Variants in NEK11 observed in about 807,000 individuals in gnomAD.
NEK11 encodes serine/threonine-protein kinase Nek11.
In NEK11, 72 loss-of-function variants were observed where a neutral mutation model predicts 80.7. That is an observed-to-expected ratio of 0.89 (90% CI 0.74 to 1.08). The LOEUF (loss-of-function observed/expected upper bound fraction) is 1.08. NEK11 is among the 50% of genes least tolerant of loss of function. The probability of loss-of-function intolerance (pLI) is 0.00; values close to 1 mark genes in which losing one functional copy is unlikely to be tolerated. For synonymous variants in NEK11, 251 were observed against 260.7 expected, an observed-to-expected ratio of 0.96 and a Z score of 0.36; for missense variants, 764 against 763.6, an observed-to-expected ratio of 1.00 and a Z score of -0.01.
chr3:131,273,245 T>C (rs1302289443), intron 16 of NEK11, among the ~76,000 whole-genome samples: 1 of 152,240 alleles, frequency 6.6e-6, no homozygotes, highest in Non-Finnish European at 1.5e-5. Context: ...AACAATCCTT[T>C]GTGAGAGAGG....
At chr3:131,149,863 T>C (rs1413794407) in intron 7 of NEK11, among the ~76,000 whole-genome samples, 3 of 152,024 alleles carry the variant, frequency 2.0e-5, no homozygotes, top group Admixed American at 2.0e-4. Flanking sequence ...CTTTTAAAAT[T>C]TATTTCCTTA....
At chr3:131,235,745 A>G (rs1181249548) in intron 15 of NEK11, among the ~76,000 whole-genome samples, 1 of 152,206 alleles carries the variant, frequency 6.6e-6, no homozygotes, top group African/African-American at 2.4e-5. Context: ...CTCACCATTT[A>G]CAAATGAGAA....
At position 131,085,161 on chromosome 3, in the gene NEK11, A is replaced by G. The variant is rs372490552; in HGVS notation, c.336+4573A>G. Among the ~76,000 whole-genome samples the G allele has an allele frequency of 1.6e-4, 25 of 152,330 alleles. No individual in the cohort carries two copies. The South Asian group carries it at 5.2e-3, about 32-fold the overall frequency. ...CCTTCTGATCCTAATTTAGCTTTCC[A>G]TATATGTCTCCTCTAATAGGAAAAA... is the stretch of plus-strand genomic sequence containing the variant. On this transcript the variant is annotated intron_variant, in intron 4 of 17. Transcript: ENST00000383366.
intron 3 of NEK11, among the ~76,000 whole-genome samples, chr3:131,059,480 C>T (rs2070387373): frequency 6.6e-6 from 1 of 152,042 alleles, no homozygotes; most frequent in South Asian, 2.1e-4. Flanking sequence ...ACAAATAAAA[C>T]CTGGTTTTGA....
chr3:131,152,440 G>T lies in NEK11; in HGVS notation c.700G>T (p.Gly234Cys), dbSNP rs775322923. ...EMCCMNHAFAGSNFLSIVLKI... is the reference protein window; with the variant it reads ...EMCCMNHAFACSNFLSIVLKI... ...GTGCTGCATGAATCATGCATTCGCT[G>T]GCTCCAATTTCTTATCCATTGTTTT... The change falls in exon 8 of 18, where the codon GGC (glycine) becomes TGC (cysteine). Residue 234 changes from glycine to cysteine, a missense_variant. Physicochemically the swap from Gly to Cys is radical, Grantham distance 159. Transcript: ENST00000383366. 1 of 1,613,718 alleles carries T rather than the reference G, an allele frequency of 6.2e-7. No individual in the cohort carries two copies. Among genetic ancestry groups the T allele is most frequent in the South Asian group, 1.1e-5 (1 of 91,040 alleles).
At chr3:131,083,670 G>T (rs981645371) in intron 4 of NEK11, among the ~76,000 whole-genome samples, 1 of 152,138 alleles carries the variant, frequency 6.6e-6, no homozygotes, top group Admixed American at 6.6e-5. Context: ...TCCCTCTTCT[G>T]TAATTTAATT....
chr3:131,129,309 C>CT (rs2083981143), intron 5 of NEK11, among the ~76,000 whole-genome samples: 1 of 152,202 alleles, frequency 6.6e-6, no homozygotes, highest in Non-Finnish European at 1.5e-5. Flanking sequence ...CTGCCTCAGC[C>CT]TCCCAAAGTG....
At chr3:131,044,753 A>G (rs2067125165) in intron 3 of NEK11, among the ~76,000 whole-genome samples, 1 of 152,092 alleles carries the variant, frequency 6.6e-6, no homozygotes, top group Admixed American at 6.6e-5. Context: ...ACTTGAACTC[A>G]GCTCTGGACC....
chr3:131,089,978 T>A (rs13071467), intron 4 of NEK11, among the ~76,000 whole-genome samples: 1,592 of 152,294 alleles, frequency 0.01, 10 homozygotes, highest in Non-Finnish European at 0.015. Flanking sequence ...ACAGAATAAT[T>A]TTTGAAGTTC....
chr3:131,254,889 G>A (rs1445910421), intron 16 of NEK11, among the ~76,000 whole-genome samples: 2 of 151,840 alleles, frequency 1.3e-5, no homozygotes, highest in South Asian at 2.1e-4. Context: ...GCATTATGGC[G>A]GGTGCCTGTA....
intron 14 of NEK11, among the ~76,000 whole-genome samples, chr3:131,182,878 C>T (rs2093428059): frequency 1.3e-5 from 2 of 152,286 alleles, no homozygotes. Flanking sequence ...TCCACATGAC[C>T]TGTTTTCTTG....
chr3:131,070,249 A>G (rs1306754896), intron 3 of NEK11, among the ~76,000 whole-genome samples: 1 of 152,146 alleles, frequency 6.6e-6, no homozygotes. Context: ...TGTTATCAAT[A>G]TTTATTTTTG....
intron 7 of NEK11, among the ~76,000 whole-genome samples, chr3:131,142,876 A>G (rs1290389376): frequency 1.3e-5 from 2 of 152,158 alleles, no homozygotes; most frequent in Non-Finnish European, 2.9e-5. Context: ...ATCTTCCTTG[A>G]AACATTGTAA....
At chr3:131,095,445 G>C (rs908381244) in intron 4 of NEK11, among the ~76,000 whole-genome samples, 26 of 152,168 alleles carry the variant, frequency 1.7e-4, no homozygotes, top group Middle Eastern at 3.4e-3. Context: ...TGGATGGCAA[G>C]ACTTTAAATG....
At chr3:131,167,440 AT>A (rs1560751073) in intron 12 of NEK11, among the ~76,000 whole-genome samples, 1 of 152,218 alleles carries the variant, frequency 6.6e-6, no homozygotes, top group African/African-American at 2.4e-5. Context: ...ATGAGCTTAA[AT>A]ATTAGTGTCT....
intron 14 of NEK11, among the ~76,000 whole-genome samples, chr3:131,210,898 G>A (rs570631855): frequency 5.0e-4 from 76 of 152,266 alleles, no homozygotes; most frequent in African/African-American, 1.8e-3. Flanking sequence ...CCTGAATACA[G>A]CACACTGATG....
At chr3:131,091,443 C>T (rs968898591) in intron 4 of NEK11, among the ~76,000 whole-genome samples, 6 of 152,132 alleles carry the variant, frequency 3.9e-5, no homozygotes, top group Non-Finnish European at 1.5e-5. Flanking sequence ...TTTTACCCAC[C>T]TCTGTTGTTC....
intron 14 of NEK11, among the ~76,000 whole-genome samples, chr3:131,225,658 T>C (rs1269602981): frequency 6.6e-6 from 1 of 152,218 alleles, no homozygotes; most frequent in African/African-American, 2.4e-5. Context: ...ATGCAGATTT[T>C]GTTTTTATGC....
At chr3:131,289,565 G>A (rs559518069) in intron 17 of NEK11, among the ~76,000 whole-genome samples, 2 of 152,310 alleles carry the variant, frequency 1.3e-5, no homozygotes, top group Non-Finnish European at 2.9e-5. Context: ...TCCACCTGTA[G>A]AACAGAGGTG....
Sources: gnomAD v4.1 joint callset for allele counts (sites outside exome capture counted in the v4.1 genomes callset) on GRCh38, gnomAD v4.1.1 for gene constraint, MANE v1.5 for transcripts, NCBI Gene and HGNC (gene_info 2026-07-23, HGNC 2026-07-21) for gene names.